The following MROH7 variants were observed in gnomAD, a reference collection of about 807,000 sequenced individuals.
MROH7 encodes maestro heat like repeat family member 7, also known as maestro heat-like repeat-containing protein family member 7.
Under a neutral mutation model 129.2 loss-of-function variants are expected in MROH7, and 113 were observed. The observed-to-expected ratio is 0.87, with a 90% CI of 0.75 to 1.02. The LOEUF (loss-of-function observed/expected upper bound fraction) is 1.02, where lower values mean the gene tolerates loss of function less well. MROH7 is among the 50% of genes least tolerant of loss of function. The pLI is 0.00. For missense variants in MROH7, 1,601 were observed against 1,671.3 expected (o/e 0.96, Z 0.73); for synonymous variants, 655 against 667.9 (o/e 0.98, Z 0.30).
chr1:54,671,040 C>A, intron 7 of MROH7, 111 bp downstream of exon 7: 3 of 1,233,186 alleles, frequency 2.4e-6, no homozygotes, highest in Non-Finnish European at 3.3e-6. Flanking sequence ...ATTCAACTGA[C>A]TTCTGTTGGT....
chr1:54,707,725 C>A (rs551695773), intron 22 of MROH7, among the ~76,000 whole-genome samples: 1 of 152,158 alleles, frequency 6.6e-6, no homozygotes, highest in African/African-American at 2.4e-5. Flanking sequence ...GTGAGTAGAG[C>A]CTTGATCTGC....
intron 16 of MROH7, 57 bp from the exon 17 acceptor site, chr1:54,695,319 C>A (rs115685649): frequency 1.8e-4 from 166 of 931,050 alleles, no homozygotes; most frequent in Middle Eastern, 2.4e-4. Context: ...AAATCCCCCC[C>A]ACAGGTCCCC....
chr1:54,670,008 A>AC (rs1228963778), intron 5 of MROH7, among the ~76,000 whole-genome samples: 3 of 150,606 alleles, frequency 2.0e-5, no homozygotes, highest in East Asian at 1.9e-4. Flanking sequence ...CATGTCAAAA[A>AC]AAAAAAAAAA....
intron 1 of MROH7, among the ~76,000 whole-genome samples, chr1:54,648,336 TTTTATTTA>T (rs59068913): frequency 0.18 from 25,884 of 142,102 alleles, 2,586 homozygotes; most frequent in Non-Finnish European, 0.24. Flanking sequence ...TTGCATGCAA[TTTTATTTA>T]TTTATTTATT....
chr1:54,693,515 G>T (rs1645272829), intron 16 of MROH7, among the ~76,000 whole-genome samples: 1 of 152,144 alleles, frequency 6.6e-6, no homozygotes, highest in Admixed American at 6.5e-5. Context: ...TGGGGCAGGG[G>T]TGATTAACAC....
rs931862155 is a variant in MROH7 at position 54,703,635 on chromosome 1, TGC to T, written c.3564+899_3564+900del. ...GAGGTAGGAGCAAGCCGCGTGCATG[TGC>T]GCGCGCGCATACACACACACACACA... On this transcript the variant is annotated intron_variant, in intron 21 of 23. Transcript: ENST00000421030. The surrounding 1 kb of genome is among the most constrained non-coding windows in gnomAD (Gnocchi z 4.4). 2.0e-5 allele frequency among the ~76,000 whole-genome samples: 3 copies of T among 152,086 alleles called. No homozygotes were observed. Among genetic ancestry groups the T allele is most frequent in the East Asian group, 1.9e-4 (1 of 5,168 alleles).
Position 54,670,573 on chromosome 1 carries a change from T to C in MROH7, c.1466T>C (p.Leu489Pro), listed in dbSNP as rs1410750286. 6.2e-7 allele frequency: 1 copy of C among 1,612,550 alleles called. No individual in the cohort carries two copies. Among genetic ancestry groups the C allele is most frequent in the Non-Finnish European group, 8.5e-7 (1 of 1,179,278 alleles). The part of the protein sequence containing the change: ...RKQAMEILTQ[L>P]SHTQPTLGMR... ...CAGGCCATGGAGATCCTGACCCAGC[T>C]GAGGTGTCCATGGCCCTCTCCCTGT... The change falls in exon 6 of 24, where the codon CTG becomes CCG. Residue 489 changes from leucine to proline, a missense_variant. By Grantham distance (98) the Leu-to-Pro change is moderately conservative. Coordinates refer to ENST00000421030, the MANE Select transcript of MROH7 (RefSeq NM_001039464.4).
chr1:54,683,706 G>A (rs744746), intron 14 of MROH7, among the ~76,000 whole-genome samples: 33,844 of 151,902 alleles, frequency 0.22, 4,248 homozygotes, highest in Non-Finnish European at 0.27. Flanking sequence ...CCAGCCTCAC[G>A]GGTCTTTGTC....
chr1:54,675,530 G>A (rs984408226), intron 10 of MROH7, among the ~76,000 whole-genome samples: 8 of 151,902 alleles, frequency 5.3e-5, no homozygotes, highest in African/African-American at 1.9e-4. Context: ...GGTGGTATAA[G>A]CCATGTTAAT....
intron 15 of MROH7, among the ~76,000 whole-genome samples, chr1:54,689,432 T>C (rs1000668769): frequency 5.3e-5 from 8 of 152,130 alleles, no homozygotes; most frequent in African/African-American, 1.9e-4. Flanking sequence ...CCACCCAGGT[T>C]GTGGTGATTT....
At chr1:54,690,262 G>C (rs1171553556) in intron 15 of MROH7, among the ~76,000 whole-genome samples, 2 of 151,736 alleles carry the variant, frequency 1.3e-5, no homozygotes, top group African/African-American at 4.8e-5. Flanking sequence ...TTTGGGAGTG[G>C]GGTGAGAAGG....
chr1:54,702,028 A>G (rs1645445161), intron 19 of MROH7, 62 bp from the exon 20 acceptor site: 2 of 1,407,996 alleles, frequency 1.4e-6, no homozygotes, highest in Admixed American at 4.6e-5. Context: ...ATGGCTCTGA[A>G]TCAGCCGCAG....
intron 13 of MROH7, among the ~76,000 whole-genome samples, chr1:54,680,279 A>G (rs907347108): frequency 6.6e-6 from 1 of 152,250 alleles, no homozygotes; most frequent in African/African-American, 2.4e-5. Flanking sequence ...GCAGATGAGG[A>G]AACCAAGGCT....
At chr1:54,700,258 G>T in intron 17 of MROH7, 63 bp from the exon 18 acceptor site, 1 of 1,607,444 alleles carries the variant, frequency 6.2e-7, no homozygotes, top group East Asian at 2.2e-5. Flanking sequence ...CCCAGTGCAT[G>T]GGAGGCCAGG....
chr1:54,654,308 C>T (rs1404092022), intron 3 of MROH7, 151 bp downstream of exon 3: 26 of 822,174 alleles, frequency 3.2e-5, no homozygotes, highest in South Asian at 1.4e-4. Flanking sequence ...ATCTAATAAT[C>T]GGCCTCTGCT....
In MROH7 at chr1:54,654,208, G is replaced by C. The variant is rs181023260; in HGVS notation, c.1231+51G>C. Reference sequence around the variant, plus strand: ...GAGAGCACTGTCCTGGAGGAATTCTGTCTTCAGACTCTTAGGGCAGGGAGA... The same window carrying C: ...GAGAGCACTGTCCTGGAGGAATTCTCTCTTCAGACTCTTAGGGCAGGGAGA... On this transcript the variant is annotated intron_variant, in intron 3 of 23. Transcript: ENST00000421030. The C allele has an allele frequency of 5.9e-5, 88 of 1,490,652 alleles. No homozygotes were observed. The Admixed American group carries it at 2.0e-3, about 34-fold the overall frequency. 92.3% of individuals were successfully genotyped at this position (1,490,652 alleles called of 1,614,324 possible). A position where few individuals can be genotyped will look rare whatever the true frequency, so the allele number is the denominator to read the frequency against.
rs1288988343 is a variant in MROH7 at position 54,678,788 on chromosome 1, C to G, written c.1983C>G (p.Ser661Arg). 6.2e-7 allele frequency: 1 copy of G among 1,613,990 alleles called. No individual in the cohort carries two copies. Among genetic ancestry groups the G allele is most frequent in the African/African-American group, 1.3e-5 (1 of 74,896 alleles). Residue 661 changes from serine to arginine, a missense_variant, in exon 11 of 24, where the codon AGC becomes AGG. Transcript: ENST00000421030. ...EETNKKELYESNKHFLGPYNP... is the reference protein window; with the variant it reads ...EETNKKELYERNKHFLGPYNP... ...CCAACAAAAAGGAGCTATATGAGAGCAACAAGCATTTCCTGGGGCCCTACA... is the reference window on the plus strand; with the variant it reads ...CCAACAAAAAGGAGCTATATGAGAGGAACAAGCATTTCCTGGGGCCCTACA...
chr1:54,673,385 A>C, intron 8 of MROH7, among the ~76,000 whole-genome samples, 199 bp downstream of exon 8: 1 of 150,334 alleles, frequency 6.7e-6, no homozygotes, highest in South Asian at 2.1e-4. Flanking sequence ...CCATCCCCCC[A>C]CTCTCTAAAT....
chr1:54,691,596 A>G (rs745590466), intron 15 of MROH7, among the ~76,000 whole-genome samples: 1 of 152,150 alleles, frequency 6.6e-6, no homozygotes, highest in Admixed American at 6.5e-5. Flanking sequence ...ACTTGAGATC[A>G]GGAGTTCAAG....
Sources: allele counts gnomAD v4.1 joint callset (sites outside exome capture counted in the v4.1 genomes callset), GRCh38; gene constraint gnomAD v4.1.1; non-coding constraint Gnocchi (gnomAD v3.1); transcripts MANE v1.5; gene names NCBI Gene and HGNC (gene_info 2026-07-23, HGNC 2026-07-21).